CSMD1: variants seen among roughly 807,000 people sequenced by gnomAD.
The protein encoded by CSMD1 is CUB and sushi domain-containing protein 1.
Under a neutral mutation model 417.5 loss-of-function variants are expected in CSMD1, and 213 were observed. The ratio of observed to expected loss-of-function variants is 0.51; its 90% CI spans 0.46 to 0.57. CSMD1 has a LOEUF of 0.57. CSMD1 is among the 20% of genes least tolerant of loss of function. CSMD1 has a pLI of 0.00. For missense variants in CSMD1, 6,923 were observed against 4,529.7 expected, an observed-to-expected ratio of 1.53 and a Z score of -15.17; for synonymous variants, 2,862 against 1,736.8, an observed-to-expected ratio of 1.65 and a Z score of -16.11.
intron 2 of CSMD1, among the ~76,000 whole-genome samples, chr8:4,457,627 CATAA>C (rs1372174459): frequency 6.6e-6 from 1 of 152,216 alleles, no homozygotes; most frequent in African/African-American, 2.4e-5. Context: ...AGCCAATCAT[CATAA>C]ATATTTATTT....
intron 5 of CSMD1, among the ~76,000 whole-genome samples, chr8:3,981,999 G>T (rs1304498688): frequency 6.6e-6 from 1 of 151,780 alleles, no homozygotes; most frequent in Non-Finnish European, 1.5e-5. Flanking sequence ...GTGAAACCCC[G>T]TCTCTACTAA....
chr8:3,638,793 G>A (rs1356959584), intron 7 of CSMD1, among the ~76,000 whole-genome samples: 1 of 152,134 alleles, frequency 6.6e-6, no homozygotes, highest in Non-Finnish European at 1.5e-5. Flanking sequence ...ATGCATAGGT[G>A]ACTCTGAGAC....
intron 2 of CSMD1, among the ~76,000 whole-genome samples, chr8:4,444,507 G>A (rs983966895): frequency 1.3e-5 from 2 of 152,062 alleles, no homozygotes; most frequent in Admixed American, 6.6e-5. Flanking sequence ...TATTTTGACA[G>A]ACAAGTTTTT....
At chr8:3,695,007 T>A (rs182515050) in intron 7 of CSMD1, among the ~76,000 whole-genome samples, 1 of 151,620 alleles carries the variant, frequency 6.6e-6, no homozygotes, top group African/African-American at 2.4e-5. Context: ...ATTAGGACAT[T>A]AGACGAAGAC....
chr8:4,369,363 A>G (rs1040957893), intron 3 of CSMD1, among the ~76,000 whole-genome samples: 9 of 152,258 alleles, frequency 5.9e-5, no homozygotes, highest in Admixed American at 3.3e-4. Flanking sequence ...AAGGCCAAGC[A>G]TGTGGTTGAT....
chr8:4,806,491 T>C (rs764100758), intron 1 of CSMD1, among the ~76,000 whole-genome samples: 6 of 152,190 alleles, frequency 3.9e-5, no homozygotes, highest in Non-Finnish European at 8.8e-5. Flanking sequence ...CTATTTAGTT[T>C]ACATTGCATT....
Position 4,046,064 on chromosome 8 carries a change from C to T in CSMD1, c.416-13965G>A, listed in dbSNP as rs143889637. ...TGCAGATTAGATTTTAAAATCAGTT[C>T]TCCCAATTTATATACACACATTATA... is the stretch of plus-strand genomic sequence containing the variant. On this transcript the variant is annotated intron_variant, in intron 3 of 69. Transcript: ENST00000635120. Among the ~76,000 whole-genome samples the T allele has an allele frequency of 2.4e-3, 371 of 152,108 alleles. 11 individuals are homozygous for T. The highest frequency in any genetic ancestry group is 5.7e-4 in the Non-Finnish European group (39 of 67,994).
chr8:4,796,095 T>G (rs148406234), intron 1 of CSMD1, among the ~76,000 whole-genome samples: 2,042 of 152,268 alleles, frequency 0.013, 13 homozygotes, highest in Middle Eastern at 0.058. Flanking sequence ...AATGTTCTTA[T>G]TCCACAAGGA....
intron 10 of CSMD1, among the ~76,000 whole-genome samples, chr8:3,504,679 C>A (rs1157160785): frequency 6.6e-6 from 1 of 152,176 alleles, no homozygotes; most frequent in Non-Finnish European, 1.5e-5. Context: ...GACCTCTTAT[C>A]TTTTGAATTC....
At chr8:3,478,848 C>G (rs1817574900) in intron 11 of CSMD1, among the ~76,000 whole-genome samples, 1 of 152,176 alleles carries the variant, frequency 6.6e-6, no homozygotes, top group African/African-American at 2.4e-5. Flanking sequence ...AGGGATGCAG[C>G]TATATAAATG....
chr8:4,650,904 A>G (rs1232741483), intron 1 of CSMD1, among the ~76,000 whole-genome samples: 1 of 152,226 alleles, frequency 6.6e-6, no homozygotes, highest in Non-Finnish European at 1.5e-5. Context: ...ATTTAGCAGG[A>G]TAATACTATT....
chr8:3,089,995 T>C (rs886109992), intron 48 of CSMD1, among the ~76,000 whole-genome samples: 19 of 152,166 alleles, frequency 1.2e-4, no homozygotes, highest in African/African-American at 3.9e-4. Flanking sequence ...TGTTTCCACA[T>C]TGGAAAAATT....
chr8:4,291,984 T>A (rs534104202), intron 3 of CSMD1, among the ~76,000 whole-genome samples: 1 of 152,188 alleles, frequency 6.6e-6, no homozygotes, highest in Non-Finnish European at 1.5e-5. Flanking sequence ...TCATCAGAGT[T>A]TGAGACGCCA....
At chr8:4,460,190 G>T (rs1201027997) in intron 2 of CSMD1, among the ~76,000 whole-genome samples, 2 of 152,040 alleles carry the variant, frequency 1.3e-5, no homozygotes, top group Non-Finnish European at 2.9e-5. Context: ...AAGAAAATTA[G>T]AATTTGAGAA....
At chr8:4,726,649 T>A (rs1809475882) in intron 1 of CSMD1, among the ~76,000 whole-genome samples, 1 of 152,216 alleles carries the variant, frequency 6.6e-6, no homozygotes, top group African/African-American at 2.4e-5. Flanking sequence ...AGGTACTTCA[T>A]CATCCTCCCT....
At chr8:4,356,652 T>C (rs918232064) in intron 3 of CSMD1, among the ~76,000 whole-genome samples, 4 of 152,178 alleles carry the variant, frequency 2.6e-5, no homozygotes, top group African/African-American at 9.6e-5. Context: ...GCGAAGGTAG[T>C]TCACATACAC....
intron 2 of CSMD1, among the ~76,000 whole-genome samples, chr8:4,427,032 A>C (rs915051659): frequency 2.6e-5 from 4 of 152,036 alleles, no homozygotes; most frequent in African/African-American, 9.7e-5. Flanking sequence ...TCCCCACGAG[A>C]ACTGGTGTAG....
intron 3 of CSMD1, among the ~76,000 whole-genome samples, chr8:4,189,472 A>G (rs943360477): frequency 6.6e-6 from 1 of 152,230 alleles, no homozygotes; most frequent in Non-Finnish European, 1.5e-5. Flanking sequence ...AAGAAAAACA[A>G]AATTTTTCCG....
chr8:4,431,278 T>G (rs1159919595), intron 2 of CSMD1, among the ~76,000 whole-genome samples: 4 of 152,288 alleles, frequency 2.6e-5, no homozygotes, highest in South Asian at 2.1e-4. Flanking sequence ...ATATGCAAAT[T>G]TATTTTATCA....
Sources: gnomAD v4.1 joint callset for allele counts (sites outside exome capture counted in the v4.1 genomes callset) on GRCh38, gnomAD v4.1.1 for gene constraint, MANE v1.5 for transcripts, NCBI Gene and HGNC (gene_info 2026-07-23, HGNC 2026-07-21) for gene names.